Variants in PCNT observed in about 807,000 individuals in gnomAD.
PCNT encodes pericentrin, also known as kendrin.
In PCNT, 319 loss-of-function variants were observed where a neutral mutation model predicts 380.4. The observed-to-expected ratio is 0.84, with a 90% CI of 0.77 to 0.92. The LOEUF is 0.92. Among genes scored for constraint, PCNT ranks in the 40% least tolerant of loss-of-function variants. The pLI is 0.00. For missense variants in PCNT, 4,400 were observed against 4,255.3 expected (o/e 1.03, Z -0.95); for synonymous variants, 1,845 against 1,735.2 (o/e 1.06, Z -1.57).
At chr21:46,429,784 C>T (rs1415829635) in intron 35 of PCNT, among the ~76,000 whole-genome samples, 1 of 152,056 alleles carries the variant, frequency 6.6e-6, no homozygotes, top group Non-Finnish European at 1.5e-5. Flanking sequence ...CACTCCTGGA[C>T]TCTGTGTCTC....
At chr21:46,331,645 A>G (rs2083565083) in intron 2 of PCNT, among the ~76,000 whole-genome samples, 1 of 152,136 alleles carries the variant, frequency 6.6e-6, no homozygotes, top group Non-Finnish European at 1.5e-5. Flanking sequence ...GCACACGTGT[A>G]GTCCCAGTTA....
Position 46,411,812 on chromosome 21 carries a change from GGCGGCGCCTCCCGAGCT to G in PCNT, c.5742_5758del (p.Ala1915ValfsTer67). 4.4e-6 allele frequency: 7 copies of G among 1,584,634 alleles called. No individual in the cohort carries two copies. The highest frequency in any genetic ancestry group is 6.0e-6 in the Non-Finnish European group (7 of 1,169,802). On this transcript the variant is annotated frameshift_variant, in exon 28 of 47. Transcript: ENST00000359568. LOFTEE classifies it high-confidence loss of function. The stretch of plus-strand genomic sequence containing the variant: ...TGGAGCAGCAGCCCCTGGCAGCCGG[GGCGGCGCCTCCCGAGCT>G]GCAGTGGCTCCGAGCGCAGTGTGCC...
intron 17 of PCNT, 55 bp downstream of exon 17, chr21:46,386,038 C>T: frequency 6.2e-7 from 1 of 1,604,400 alleles, no homozygotes; most frequent in Non-Finnish European, 8.5e-7. Context: ...CCCGCTGGGT[C>T]ATGCAGATGC....
intron 29 of PCNT, among the ~76,000 whole-genome samples, chr21:46,414,709 C>T (rs2086947063): frequency 3.9e-5 from 2 of 51,196 alleles, no homozygotes; most frequent in Non-Finnish European, 1.0e-4. Context: ...GCCCACACTC[C>T]TCCTCCTGGA....
rs915377613 is a variant in PCNT, at chr21:46,440,319, C to T, written c.9393+117C>T. 3.7e-6 allele frequency: 4 copies of T among 1,085,294 alleles called. No individual in the cohort carries two copies. In the African/African-American group the frequency reaches 6.2e-5, roughly 17 times the overall value. 67.2% of individuals were successfully genotyped at this position (1,085,294 alleles called of 1,614,324 possible). Reference sequence around the variant, plus strand: ...TCTCGTCTGCCGGGTGTAGCAGTCACATCACTAAAGGAAAGGACGTTCACA... The same window carrying T: ...TCTCGTCTGCCGGGTGTAGCAGTCATATCACTAAAGGAAAGGACGTTCACA... On this transcript the variant is annotated intron_variant, in intron 42 of 46. Transcript: ENST00000359568.
At position 46,389,238 on chromosome 21, in the gene PCNT, C is replaced by T. The variant is rs200670500; in HGVS notation, c.3647C>T (p.Pro1216Leu). The T allele has an allele frequency of 6.9e-5, 112 of 1,614,148 alleles. No individual in the cohort carries two copies. In the African/African-American group the frequency reaches 9.7e-4, roughly 14 times the overall value. Reference sequence around the variant, plus strand: ...GAGACATGGTCTGATGTGGCCCTCCCGGAGTTGGACAGAACTTTGTCTGAA... The same window carrying T: ...GAGACATGGTCTGATGTGGCCCTCCTGGAGTTGGACAGAACTTTGTCTGAA... ...LEETWSDVALPELDRTLSECA... is the reference protein window; with the variant it reads ...LEETWSDVALLELDRTLSECA... Residue 1216 changes from proline to leucine, a missense_variant, in exon 19 of 47, where the codon CCG (proline) becomes CTG (leucine). By Grantham distance (98) the Pro-to-Leu change is moderately conservative. Transcript: ENST00000359568.
intron 2 of PCNT, among the ~76,000 whole-genome samples, chr21:46,329,812 C>A (rs770544058): frequency 6.6e-6 from 1 of 152,156 alleles, no homozygotes; most frequent in Admixed American, 6.5e-5. Context: ...TTTTAAAAAC[C>A]AAAAGCTGGT....
rs567473391 is a variant in PCNT, at chr21:46,414,792, TCTC to T, written c.6151-1268_6151-1266del. ...TCCTCCTGGACACACAGCCGCCCACTCTCCTCCTCCTGGACATGCAGCCGCCCA... is the reference window on the plus strand; with the variant it reads ...TCCTCCTGGACACACAGCCGCCCACTCTCCTCCTGGACATGCAGCCGCCCA... On this transcript the variant is annotated intron_variant, in intron 29 of 46. Coordinates refer to ENST00000359568, the MANE Select transcript of PCNT (RefSeq NM_006031.6). 2.7e-4 allele frequency among the ~76,000 whole-genome samples: 14 copies of T among 51,862 alleles called. 1 individual carries two copies. In the East Asian group the frequency reaches 4.2e-3, roughly 15 times the overall value. 34.0% of individuals were successfully genotyped at this position (51,862 alleles called of 152,430 possible).
chr21:46,445,252 C>T, intron 46 of PCNT, 32 bp from the exon 47 acceptor site: 1 of 1,526,908 alleles, frequency 6.5e-7, no homozygotes, highest in Non-Finnish European at 9.1e-7. Flanking sequence ...GCCTTGTAAC[C>T]AATTTGCTGC....
At chr21:46,444,994 G>A (rs2053716928) in intron 46 of PCNT, among the ~76,000 whole-genome samples, 173 bp downstream of exon 46, 1 of 152,204 alleles carries the variant, frequency 6.6e-6, no homozygotes, top group Admixed American at 6.5e-5. Flanking sequence ...TCTCACAGAA[G>A]TCTAAGCCAG....
intron 3 of PCNT, 149 bp downstream of exon 3, chr21:46,334,917 C>A: frequency 7.6e-7 from 1 of 1,323,316 alleles, no homozygotes; most frequent in Non-Finnish European, 1.0e-6. Context: ...GAGGCAGAGG[C>A]TCACCCTGTA....
In PCNT at chr21:46,430,192, C is replaced by T. The variant is rs2087689712; in HGVS notation, c.7873C>T (p.Arg2625Trp). ...CAGGCAGAAGAGCGAACAGCTGTCC[C>T]GGTCCCTCTGCGAGGTGCAGCAGGA... ...ESRQKSEQLS[R>W]SLCEVQQEVL... is the part of the protein sequence containing the mutation. Residue 2625 changes from arginine to tryptophan, a missense_variant, in exon 36 of 47, where the codon CGG becomes TGG. Arg to Trp is a moderately radical substitution (Grantham distance 101). Coordinates refer to ENST00000359568, the MANE Select transcript of PCNT (RefSeq NM_006031.6). 2 of 1,613,900 alleles carry T rather than the reference C, an allele frequency of 1.2e-6. No homozygotes were observed. Among genetic ancestry groups the T allele is most frequent in the Non-Finnish European group, 8.5e-7 (1 of 1,179,926 alleles).
intron 2 of PCNT, among the ~76,000 whole-genome samples, chr21:46,331,195 G>T (rs1364902808): frequency 1.3e-5 from 2 of 151,984 alleles, no homozygotes; most frequent in Non-Finnish European, 2.9e-5. Context: ...TCCTCCCTCT[G>T]GCGCCCAGGC....
In PCNT at chr21:46,324,269, C is replaced by G. The variant is rs753779892; in HGVS notation, c.41C>G (p.Ala14Gly). The change falls in exon 1 of 47, where the codon GCC becomes GGC. Residue 14 changes from alanine to glycine, a missense_variant. Coordinates refer to ENST00000359568, the MANE Select transcript of PCNT (RefSeq NM_006031.6). ...EQEQRRRKVE[A>G]GRTKLAHFRQ... Reference sequence around the variant, plus strand: ...GAGCAGCGGCGCAGAAAGGTGGAGGCCGGGAGGACGAAGGTAAACATTAGG... The same window carrying G: ...GAGCAGCGGCGCAGAAAGGTGGAGGGCGGGAGGACGAAGGTAAACATTAGG... The G allele has an allele frequency of 6.2e-7, 1 of 1,611,532 alleles. No homozygotes were observed. Among genetic ancestry groups the G allele is most frequent in the South Asian group, 1.1e-5 (1 of 90,626 alleles).
At chr21:46,417,566 C>T (rs1366722437) in intron 30 of PCNT, among the ~76,000 whole-genome samples, 2 of 152,042 alleles carry the variant, frequency 1.3e-5, no homozygotes, top group African/African-American at 4.8e-5. Flanking sequence ...CGTATTATTT[C>T]TAACATAATC....
chr21:46,353,065 C>T (rs769083813), intron 9 of PCNT, 39 bp from the exon 10 acceptor site: 3 of 1,546,860 alleles, frequency 1.9e-6, no homozygotes, highest in East Asian at 4.5e-5. Flanking sequence ...TTGTGGGTGT[C>T]CCATTTTAAG....
intron 41 of PCNT, 60 bp from the exon 42 acceptor site, chr21:46,440,023 T>TC: frequency 6.4e-7 from 1 of 1,568,358 alleles, no homozygotes; most frequent in Non-Finnish European, 8.7e-7. Context: ...CGGCTGCGTC[T>TC]CTAAGATGCT....
intron 15 of PCNT, among the ~76,000 whole-genome samples, chr21:46,371,947 T>C (rs565768416): frequency 5.7e-5 from 8 of 140,628 alleles, no homozygotes; most frequent in African/African-American, 2.2e-4. Flanking sequence ...ACACAGCATG[T>C]GCGCACAAAC....
chr21:46,351,029 T>G (rs111946675), intron 8 of PCNT, among the ~76,000 whole-genome samples: 29 of 152,338 alleles, frequency 1.9e-4, no homozygotes, highest in African/African-American at 7.0e-4. Flanking sequence ...GACCTCCTAT[T>G]TGGGAGTCTT....
Sources: gnomAD v4.1 joint callset for allele counts (sites outside exome capture counted in the v4.1 genomes callset) on GRCh38, gnomAD v4.1.1 for gene constraint, MANE v1.5 for transcripts, NCBI Gene and HGNC (gene_info 2026-07-23, HGNC 2026-07-21) for gene names.